The following WIPF3 variants were observed in gnomAD, a reference collection of about 807,000 sequenced individuals.
WIPF3 encodes WAS/WASL interacting protein family member 3.
A neutral mutation model predicts 38.9 loss-of-function variants in WIPF3; 33 were observed. The ratio of observed to expected loss-of-function variants is 0.85; its 90% CI spans 0.64 to 1.14. WIPF3 has a LOEUF of 1.14. Among genes scored for constraint, WIPF3 ranks in the 50% most tolerant of loss-of-function variants. The pLI, the probability that WIPF3 is intolerant of heterozygous loss-of-function variation, is 0.00. For synonymous variants in WIPF3, 324 were observed against 269.3 expected (o/e 1.20, Z -1.99); for missense variants, 711 against 652.5 (o/e 1.09, Z -0.98).
intron 1 of WIPF3, among the ~76,000 whole-genome samples, chr7:29,815,238 G>GA (rs879305507): frequency 9.4e-5 from 14 of 149,200 alleles, no homozygotes; most frequent in Middle Eastern, 3.4e-3. Flanking sequence ...GAGACAAAAG[G>GA]AAAAAAAAAC....
chr7:29,914,472 T>A (rs930376245), intron 8 of WIPF3, 21 bp from the exon 9 acceptor site: 3 of 1,500,878 alleles, frequency 2.0e-6, no homozygotes, highest in Admixed American at 2.2e-5. Context: ...CACCTGGTAA[T>A]GTTCTGTTAT....
rs962172770 is a variant in WIPF3, at chr7:29,889,213, T to C, written c.1250-93T>C. The C allele has an allele frequency of 1.2e-5, 12 of 998,206 alleles. No individual in the cohort carries two copies. The African/African-American group carries it at 1.8e-4, about 15-fold the overall frequency. 61.8% of individuals were successfully genotyped at this position (998,206 alleles called of 1,614,324 possible). A position where few individuals can be genotyped will look rare whatever the true frequency, so the allele number is the denominator to read the frequency against. The stretch of plus-strand genomic sequence containing the variant: ...GAGCAGGCAAACAGAAAACGGTGGA[T>C]GCAGTCAGAGTAATCTCTGTGCTCC... On this transcript the variant is annotated intron_variant, in intron 6 of 8. Coordinates refer to ENST00000242140, the MANE Select transcript of WIPF3 (RefSeq NM_001080529.3).
rs1011967493 is a variant in WIPF3 at position 29,823,908 on chromosome 7, G to A, written c.-57-10760G>A. ...TGAGGCCTCCCCAGAAGCAGATGCC[G>A]TTATGCTTCCTGTACAGCCTGCAGA... On this transcript the variant is annotated intron_variant, in intron 1 of 8. Coordinates refer to ENST00000242140, the MANE Select transcript of WIPF3 (RefSeq NM_001080529.3). The surrounding 1 kb of genome is among the most constrained non-coding windows in gnomAD (Gnocchi z 4.0). Among the ~76,000 whole-genome samples, 3 of 152,176 alleles carry A rather than the reference G, an allele frequency of 2.0e-5. No homozygotes were observed. The highest frequency in any genetic ancestry group is 1.3e-4 in the Admixed American group (2 of 15,278).
At chr7:29,877,284 A>G (rs1052880624) in intron 3 of WIPF3, among the ~76,000 whole-genome samples, 1 of 152,214 alleles carries the variant, frequency 6.6e-6, no homozygotes, top group Non-Finnish European at 1.5e-5. Context: ...CAGCTAGCAG[A>G]ATGCTGCCTC....
rs1307654653 is a variant in WIPF3 at position 29,844,809 on chromosome 7, C to T, written c.90+9995C>T. Among the ~76,000 whole-genome samples the T allele has an allele frequency of 3.9e-5, 6 of 152,154 alleles. No individual in the cohort carries two copies. Among genetic ancestry groups the T allele is most frequent in the Non-Finnish European group, 7.4e-5 (5 of 68,018 alleles). ...TGAGCTAACTCAGGCACTGGGGGCA[C>T]GTCACTTACTGGGCAGGGCTATTAT... On this transcript the variant is annotated intron_variant, in intron 2 of 8. Coordinates refer to ENST00000242140, the MANE Select transcript of WIPF3 (RefSeq NM_001080529.3). The surrounding 1 kb of genome is among the most constrained non-coding windows in gnomAD (Gnocchi z 4.8).
chr7:29,858,496 C>G (rs1785224826), intron 2 of WIPF3, among the ~76,000 whole-genome samples: 1 of 151,712 alleles, frequency 6.6e-6, no homozygotes, highest in Non-Finnish European at 1.5e-5. Context: ...AAGACAAAAA[C>G]AGTCGAGAGA....
At chr7:29,857,175 A>G (rs927304235) in intron 2 of WIPF3, among the ~76,000 whole-genome samples, 1 of 152,012 alleles carries the variant, frequency 6.6e-6, no homozygotes, top group Non-Finnish European at 1.5e-5. Context: ...CTGGGAACTC[A>G]CACACCTCCC....
rs1784567982 is a variant in WIPF3, at chr7:29,823,270, A to T, written c.-57-11398A>T. Among the ~76,000 whole-genome samples, 1 of 148,264 alleles carries T rather than the reference A, an allele frequency of 6.7e-6. No individual in the cohort carries two copies. The highest frequency in any genetic ancestry group is 1.5e-5 in the Non-Finnish European group (1 of 66,678). On this transcript the variant is annotated intron_variant, in intron 1 of 8. Coordinates refer to ENST00000242140, the MANE Select transcript of WIPF3 (RefSeq NM_001080529.3). This position sits in a 1 kb window ranked among gnomAD's most constrained non-coding sequence, Gnocchi z 4.0. ...TGTAAGCTTTGAGAACCCAACATTC[A>T]TTTTTTTTTTAGATGGAGTGTCACT...
At chr7:29,901,618 CCATGTTTCTATTTT>C (rs1367446321) in intron 7 of WIPF3, among the ~76,000 whole-genome samples, 1 of 151,186 alleles carries the variant, frequency 6.6e-6, no homozygotes, top group Middle Eastern at 3.4e-3. Flanking sequence ...TGGCAAAACC[CCATGTTTCTATTTT>C]CATGTTTCTA....
chr7:29,847,737 A>G (rs1368445890), intron 2 of WIPF3, among the ~76,000 whole-genome samples: 1 of 152,196 alleles, frequency 6.6e-6, no homozygotes, highest in Non-Finnish European at 1.5e-5. Flanking sequence ...AAAACAGGTC[A>G]GATAATTTCT....
At chr7:29,806,853 T>C (rs1370760354) in intron 1 of WIPF3, among the ~76,000 whole-genome samples, 175 bp downstream of exon 1, 2 of 149,638 alleles carry the variant, frequency 1.3e-5, no homozygotes, top group East Asian at 4.0e-4. Context: ...GCCCAGGAGG[T>C]TGTCGACGTG....
chr7:29,889,426 A>G lies in WIPF3; in HGVS notation c.1351+19A>G, dbSNP rs770037191. The G allele has an allele frequency of 2.5e-6, 4 of 1,597,094 alleles. No homozygotes were observed. In the African/African-American group the frequency reaches 4.0e-5, roughly 16 times the overall value. ...CCCAGAAGTAAGTACCACCTTGATA[A>G]GACTCCTGGCATCTCCCGACCCTTC... is the stretch of plus-strand genomic sequence containing the variant. On this transcript the variant is annotated intron_variant, in intron 7 of 8. Transcript: ENST00000242140.
At chr7:29,813,175 T>C (rs1056663469) in intron 1 of WIPF3, among the ~76,000 whole-genome samples, 2 of 152,176 alleles carry the variant, frequency 1.3e-5, no homozygotes, top group African/African-American at 4.8e-5. Flanking sequence ...CCTCCTTGGC[T>C]CTATCCCATT....
chr7:29,853,625 T>C (rs1289309712), intron 2 of WIPF3, among the ~76,000 whole-genome samples: 3 of 152,238 alleles, frequency 2.0e-5, no homozygotes, highest in African/African-American at 7.2e-5. Flanking sequence ...TTAGAGGCTC[T>C]TTTAGAGCAT....
At chr7:29,847,687 G>A (rs1273187793) in intron 2 of WIPF3, among the ~76,000 whole-genome samples, 2 of 152,198 alleles carry the variant, frequency 1.3e-5, no homozygotes, top group African/African-American at 4.8e-5. Context: ...TGTGGGACAA[G>A]ACCCTCTCTG....
At chr7:29,830,241 A>T (rs781128877) in intron 1 of WIPF3, among the ~76,000 whole-genome samples, 1 of 151,944 alleles carries the variant, frequency 6.6e-6, no homozygotes, top group Non-Finnish European at 1.5e-5. Context: ...CCTAAAGATA[A>T]AACTAGACGG....
intron 1 of WIPF3, among the ~76,000 whole-genome samples, chr7:29,812,239 A>G (rs1380730396): frequency 6.6e-6 from 1 of 152,212 alleles, no homozygotes; most frequent in African/African-American, 2.4e-5. Flanking sequence ...ATATATATCC[A>G]GATGTGAATT....
Position 29,883,850 on chromosome 7 carries a change from G to T in WIPF3, c.356G>T (p.Gly119Val). The change falls in exon 5 of 9, where the codon GGT becomes GTT. Residue 119 changes from glycine to valine, a missense_variant and splice_region_variant. Gly to Val is a moderately radical substitution (Grantham distance 109, BLOSUM62 -3). Coordinates refer to ENST00000242140, the MANE Select transcript of WIPF3 (RefSeq NM_001080529.3). ...AACCCAGAATCTCTTTCACTTCCAG[G>T]TGGCAAGACAGGGCAGGGCCCTGGC... is the stretch of plus-strand genomic sequence containing the variant. ...LRPAGQRDVA[G>V]GKTGQGPGSR... is the part of the protein sequence containing the mutation. 1 of 1,522,256 alleles carries T rather than the reference G, an allele frequency of 6.6e-7. No individual in the cohort carries two copies. The highest frequency in any genetic ancestry group is 8.8e-7 in the Non-Finnish European group (1 of 1,133,614). 94.3% of individuals were successfully genotyped at this position (1,522,256 alleles called of 1,614,324 possible).
intron 7 of WIPF3, among the ~76,000 whole-genome samples, chr7:29,894,916 G>GTT (rs1786103160): frequency 1.9e-5 from 2 of 105,546 alleles, no homozygotes; most frequent in Non-Finnish European, 4.6e-5. Flanking sequence ...TGTGTGTGTT[G>GTT]TTGTTTTTTT....
Sources: gnomAD v4.1 joint callset for allele counts (sites outside exome capture counted in the v4.1 genomes callset) on GRCh38, gnomAD v4.1.1 for gene constraint, Gnocchi (gnomAD v3.1) non-coding constraint, MANE v1.5 for transcripts, NCBI Gene and HGNC (gene_info 2026-07-23, HGNC 2026-07-21) for gene names.